HIBCH: variants seen among roughly 807,000 people sequenced by gnomAD.
HIBCH encodes 3-hydroxyisobutyryl-CoA hydrolase, mitochondrial.
In HIBCH, 50 loss-of-function variants were observed where a neutral mutation model predicts 58.2. The observed-to-expected ratio is 0.86, with a 90% CI of 0.68 to 1.09. The LOEUF (loss-of-function observed/expected upper bound fraction) is 1.09. HIBCH is among the 50% of genes least tolerant of loss of function. The pLI is 0.00. For synonymous variants in HIBCH, 151 were observed against 146.9 expected (o/e 1.03, Z -0.20); for missense variants, 450 against 449.7 (o/e 1.00, Z -0.01).
At chr2:190,317,984 C>A (rs291464) in intron 1 of HIBCH, among the ~76,000 whole-genome samples, 1 of 151,380 alleles carries the variant, frequency 6.6e-6, no homozygotes, top group Admixed American at 6.6e-5. Context: ...CCACCACACC[C>A]AGCTAATTTT....
rs114615196 is a variant in HIBCH at position 190,197,570 on chromosome 2, C to T, written c.*17+7530G>A. Among the ~76,000 whole-genome samples, 2 of 152,248 alleles carry T rather than the reference C, an allele frequency of 1.3e-5. No individual in the cohort carries two copies. Among genetic ancestry groups the T allele is most frequent in the Non-Finnish European group, 2.9e-5 (2 of 68,012 alleles). On this transcript the variant is annotated intron_variant, in intron 1 of 1. Transcript: ENST00000399855. This position sits in a 1 kb window ranked among gnomAD's most constrained non-coding sequence, Gnocchi z 4.0. ...CTAACCTCTGTTGCATCAGAGTTGC[C>T]ACTCTCTGACTCTCCTGGGGCTCAA...
rs367735319 is a variant in HIBCH at position 190,206,969 on chromosome 2, C to CA, written c.1046-1738dup. On this transcript the variant is annotated intron_variant, in intron 13 of 13. Transcript: ENST00000359678. The surrounding 1 kb of genome is among the most constrained non-coding windows in gnomAD (Gnocchi z 5.1). ...TGAAACCCCGTCTCTACTAAAAATA[C>CA]AAAAAAATTAGGCGTGGTGGCAGGC... Among the ~76,000 whole-genome samples the CA allele has an allele frequency of 1.3e-5, 2 of 151,946 alleles. No individual in the cohort carries two copies. The highest frequency in any genetic ancestry group is 4.8e-5 in the African/African-American group (2 of 41,434).
At chr2:190,223,364 A>C (rs1575703275) in intron 11 of HIBCH, among the ~76,000 whole-genome samples, 1 of 152,242 alleles carries the variant, frequency 6.6e-6, no homozygotes, top group African/African-American at 2.4e-5. Context: ...CCTCCTGAGT[A>C]TATGGTACTA....
At chr2:190,273,306 C>A (rs1687455220) in intron 6 of HIBCH, among the ~76,000 whole-genome samples, 1 of 152,046 alleles carries the variant, frequency 6.6e-6, no homozygotes, top group African/African-American at 2.4e-5. Flanking sequence ...GGCAGGAGAA[C>A]TGCTTGAACC....
chr2:190,200,312 A>G (rs1690190716), downstream of HIBCH: 2 of 641,120 alleles, frequency 3.1e-6, no homozygotes, highest in Non-Finnish European at 5.5e-6. Flanking sequence ...CATTTTAAGT[A>G]CTTCTATGTT....
intron 7 of HIBCH, among the ~76,000 whole-genome samples, chr2:190,257,578 A>G (rs1013080773): frequency 2.0e-5 from 3 of 152,236 alleles, no homozygotes; most frequent in Non-Finnish European, 2.9e-5. Context: ...GTCTACAGAT[A>G]TTAAAAAGAT....
intron 5 of HIBCH, among the ~76,000 whole-genome samples, chr2:190,289,590 A>G (rs946423191): frequency 2.6e-5 from 4 of 152,168 alleles, no homozygotes; most frequent in African/African-American, 7.2e-5. Flanking sequence ...TTGCAGTATT[A>G]TATTTCTTTT....
At chr2:190,248,507 G>C (rs184037352) in intron 9 of HIBCH, among the ~76,000 whole-genome samples, 12 of 152,252 alleles carry the variant, frequency 7.9e-5, no homozygotes, top group African/African-American at 2.6e-4. Context: ...GTTTCTCTAA[G>C]GAGTAAGTAT....
intron 1 of HIBCH, 140 bp downstream of exon 1, chr2:190,319,576 G>T: frequency 1.4e-6 from 1 of 727,034 alleles, no homozygotes. Flanking sequence ...GCTTGGGGAG[G>T]GCCAAGGTTG....
chr2:190,244,751 C>T (rs1471610064), intron 11 of HIBCH, 136 bp downstream of exon 11: 4 of 759,442 alleles, frequency 5.3e-6, no homozygotes, highest in Admixed American at 1.8e-5. Context: ...CTGAAGCTCA[C>T]CTAAATTTGG....
chr2:190,202,020 G>GTTT (rs1559006437), downstream of HIBCH: 2 of 167,024 alleles, frequency 1.2e-5, no homozygotes, highest in Admixed American at 6.6e-5. Context: ...ACAAAGCCAG[G>GTTT]TAAAGCAGCA....
At chr2:190,280,797 C>T (rs981748416) in intron 6 of HIBCH, 1 of 152,142 alleles carries the variant, frequency 6.6e-6, no homozygotes, top group African/African-American at 2.4e-5. Context: ...TGTATAAAAC[C>T]CCAAGTCAAG....
Position 190,212,952 on chromosome 2 carries a change from T to C in HIBCH, c.1011+4A>G. 6.2e-7 allele frequency: 1 copy of C among 1,609,248 alleles called. No homozygotes were observed. Among genetic ancestry groups the C allele is most frequent in the East Asian group, 2.2e-5 (1 of 44,780 alleles). On this transcript the variant is annotated splice_donor_region_variant and intron_variant, in intron 12 of 13. Transcript: ENST00000359678. Reference sequence around the variant, plus strand: ...AAAATGACATTTTTTTTTTAAATTCTTACCATACAAGCTTGACTTAGCCGA... The same window carrying C: ...AAAATGACATTTTTTTTTTAAATTCCTACCATACAAGCTTGACTTAGCCGA...
intron 7 of HIBCH, among the ~76,000 whole-genome samples, chr2:190,252,975 G>A (rs183110437): frequency 6.6e-6 from 1 of 152,262 alleles, no homozygotes; most frequent in African/African-American, 2.4e-5. Flanking sequence ...GATCACCTGA[G>A]GTCAGGAGTT....
intron 6 of HIBCH, among the ~76,000 whole-genome samples, chr2:190,287,372 A>C (rs1687857805): frequency 6.6e-6 from 1 of 152,170 alleles, no homozygotes; most frequent in Non-Finnish European, 1.5e-5. Context: ...ATATAACATA[A>C]CTAAGAACAT....
At chr2:190,224,255 G>A (rs1426186010) in intron 11 of HIBCH, among the ~76,000 whole-genome samples, 2 of 152,158 alleles carry the variant, frequency 1.3e-5, no homozygotes, top group Non-Finnish European at 2.9e-5. Flanking sequence ...AAAGCAGCAG[G>A]GAAGCTTGAA....
At chr2:190,247,791 G>T (rs1363926236) in intron 9 of HIBCH, among the ~76,000 whole-genome samples, 2 of 152,104 alleles carry the variant, frequency 1.3e-5, no homozygotes, top group African/African-American at 4.8e-5. Flanking sequence ...CCCTCCAGCA[G>T]CAAAACAATT....
intron 8 of HIBCH, 80 bp downstream of exon 8, chr2:190,252,082 C>T (rs746721370): frequency 1.5e-4 from 205 of 1,353,886 alleles, no homozygotes; most frequent in Middle Eastern, 8.3e-4. Context: ...CTGTGGCTCT[C>T]AACCACCCAT....
At chr2:190,295,619 A>C (rs291454) in intron 3 of HIBCH, among the ~76,000 whole-genome samples, 148,286 of 152,348 alleles carry the variant, frequency 0.97, 72,207 homozygotes, top group Admixed American at 0.98. Flanking sequence ...TGTAGCTGGA[A>C]AGACGTGATT....
Sources: gnomAD v4.1 joint callset for allele counts (sites outside exome capture counted in the v4.1 genomes callset) on GRCh38, gnomAD v4.1.1 for gene constraint, Gnocchi (gnomAD v3.1) non-coding constraint, MANE v1.5 for transcripts, NCBI Gene and HGNC (gene_info 2026-07-23, HGNC 2026-07-21) for gene names.